CSMD2: variants seen among roughly 807,000 people sequenced by gnomAD.
CSMD2 encodes CUB and Sushi multiple domains 2, also known as CUB and sushi domain-containing protein 2.
In CSMD2, 130 loss-of-function variants were observed where a neutral mutation model predicts 398.5. The ratio of observed to expected loss-of-function variants is 0.33; its 90% CI spans 0.28 to 0.38. The LOEUF (loss-of-function observed/expected upper bound fraction) is 0.38. CSMD2 is among the 10% of genes least tolerant of loss of function. The pLI is 1.00. For synonymous variants in CSMD2, 1,828 were observed against 1,908.5 expected (o/e 0.96, Z 1.10); for missense variants, 3,829 against 4,764.9 (o/e 0.80, Z 5.78).
chr1:33,628,542 A>C (rs1359873230), intron 32 of CSMD2, among the ~76,000 whole-genome samples: 3 of 151,856 alleles, frequency 2.0e-5, no homozygotes, highest in African/African-American at 7.3e-5. Context: ...GGTGGAGCAC[A>C]CCTGGAGTCT....
At chr1:33,742,172 T>G (rs549766339) in intron 14 of CSMD2, among the ~76,000 whole-genome samples, 5 of 152,174 alleles carry the variant, frequency 3.3e-5, no homozygotes, top group African/African-American at 1.2e-4. Context: ...CCTGAGAAGG[T>G]TGATTGTGTC....
chr1:33,550,180 A>G lies in CSMD2; in HGVS notation c.8914T>C (p.Ser2972Pro), dbSNP rs887162444. 1 of 1,613,638 alleles carries G rather than the reference A, an allele frequency of 6.2e-7. No homozygotes were observed. Among genetic ancestry groups the G allele is most frequent in the Non-Finnish European group, 8.5e-7 (1 of 1,179,860 alleles). Reference sequence around the variant, plus strand: ...TCCTCAATGCCATGCACCATACCTGAGCAGTGAGGGAGGGAGCCAGTCCAG... The same window carrying G: ...TCCTCAATGCCATGCACCATACCTGGGCAGTGAGGGAGGGAGCCAGTCCAG... The part of the protein sequence containing the change: ...GHWTGSLPHC[S>P]GTSVGVCGDP... Residue 2972 changes from serine (S) to proline (P), a missense_variant, in exon 56 of 71, where the codon TCA becomes CCA. Ser to Pro is a moderately conservative substitution (Grantham distance 74). Coordinates refer to ENST00000373381, the MANE Select transcript of CSMD2 (RefSeq NM_001281956.2).
At chr1:34,083,966 ATTG>A (rs1339762994) in intron 2 of CSMD2, among the ~76,000 whole-genome samples, 1 of 151,344 alleles carries the variant, frequency 6.6e-6, no homozygotes, top group African/African-American at 2.4e-5. Flanking sequence ...TGCTGTGGCT[ATTG>A]TTGTCATCAT....
rs2148881521 is a variant in CSMD2, at chr1:33,624,344, C to T, written c.5625+175G>A. Among the ~76,000 whole-genome samples, 1 of 152,310 alleles carries T rather than the reference C, an allele frequency of 6.6e-6. No individual in the cohort carries two copies. The highest frequency in any genetic ancestry group is 1.5e-5 in the Non-Finnish European group (1 of 68,014). ...TGTTTTCTGCATGGGAGCCACATCT[C>T]CACACTTGGACTGAGCCTCCTTAGC... On this transcript the variant is annotated intron_variant, in intron 35 of 70. Transcript: ENST00000373381. This position sits in a 1 kb window ranked among gnomAD's most constrained non-coding sequence, Gnocchi z 4.7.
chr1:33,947,655 T>A (rs1295275629), intron 3 of CSMD2, among the ~76,000 whole-genome samples: 2 of 152,122 alleles, frequency 1.3e-5, no homozygotes, highest in African/African-American at 4.8e-5. Flanking sequence ...CTGACCACCA[T>A]CAACCACCTT....
intron 9 of CSMD2, among the ~76,000 whole-genome samples, chr1:33,816,990 A>G (rs1216227927): frequency 6.6e-6 from 1 of 152,226 alleles, no homozygotes; most frequent in East Asian, 1.9e-4. Flanking sequence ...TCTTTTGGTA[A>G]CCTGCTTGTT....
chr1:34,130,889 G>T (rs539627915), intron 1 of CSMD2, among the ~76,000 whole-genome samples: 1 of 152,136 alleles, frequency 6.6e-6, no homozygotes, highest in African/African-American at 2.4e-5. Flanking sequence ...TCCACAGCTT[G>T]CTTCCTGGTT....
At chr1:33,829,407 T>C (rs1390037789) in intron 6 of CSMD2, among the ~76,000 whole-genome samples, 3 of 152,242 alleles carry the variant, frequency 2.0e-5, no homozygotes, top group African/African-American at 7.2e-5. Flanking sequence ...TTTTTATTAT[T>C]ATACTTAAAG....
chr1:33,704,928 A>G (rs74454787), intron 22 of CSMD2, among the ~76,000 whole-genome samples: 1 of 149,200 alleles, frequency 6.7e-6, no homozygotes. Context: ...ACGTCCCGCT[A>G]ATTTTTTTTT....
rs980060918 is a variant in CSMD2, at chr1:33,533,681, T to C, written c.9991+115A>G. 1.5e-6 allele frequency: 1 copy of C among 680,914 alleles called. No individual in the cohort carries two copies. The highest frequency in any genetic ancestry group is 2.6e-6 in the Non-Finnish European group (1 of 379,682). 42.2% of individuals were successfully genotyped at this position (680,914 alleles called of 1,614,324 possible). Reference sequence around the variant, plus strand: ...TGTAAGGACTACAAAGAGACCGATGTCGGTTCGCATGGGGAGTTGTGAACT... The same window carrying C: ...TGTAAGGACTACAAAGAGACCGATGCCGGTTCGCATGGGGAGTTGTGAACT... On this transcript the variant is annotated intron_variant, in intron 63 of 70. Coordinates refer to ENST00000373381, the MANE Select transcript of CSMD2 (RefSeq NM_001281956.2). This position sits in a 1 kb window ranked among gnomAD's most constrained non-coding sequence, Gnocchi z 4.2.
chr1:33,652,688 C>T (rs1390963945), intron 27 of CSMD2, among the ~76,000 whole-genome samples: 1 of 152,172 alleles, frequency 6.6e-6, no homozygotes, highest in Non-Finnish European at 1.5e-5. Flanking sequence ...GTACCAGATG[C>T]CACTGAACTG....
chr1:34,074,298 A>G (rs1157392409), intron 2 of CSMD2, among the ~76,000 whole-genome samples: 1 of 152,222 alleles, frequency 6.6e-6, no homozygotes, highest in Non-Finnish European at 1.5e-5. Context: ...AGATAATGTG[A>G]ACAATGTCTA....
chr1:34,164,977 G>A lies in CSMD2; in HGVS notation c.121C>T (p.Pro41Ser). The change falls in exon 1 of 71, where the codon CCG (proline) becomes TCG (serine). Residue 41 changes from proline to serine, a missense_variant. This residue lies in a region of CSMD2 where 184 missense variants were observed against 217.7 expected (regional missense o/e 0.85). Transcript: ENST00000373381. The surrounding 1 kb of genome is among the most constrained non-coding windows in gnomAD (Gnocchi z 6.2). Reference protein sequence around the residue: ...GAGSRWGRPPPPTPPPLLLLL... With the variant: ...GAGSRWGRPPSPTPPPLLLLL... ...AGCAGCAGAGGCGGCGGCGTTGGCGGCGGCGGGCGGCCCCAGCGGCTCCCG... is the reference window on the plus strand; with the variant it reads ...AGCAGCAGAGGCGGCGGCGTTGGCGACGGCGGGCGGCCCCAGCGGCTCCCG... The A allele has an allele frequency of 8.2e-7, 1 of 1,212,554 alleles. No individual in the cohort carries two copies. Among genetic ancestry groups the A allele is most frequent in the Middle Eastern group, 3.1e-4 (1 of 3,176 alleles). The allele number at this position is 1,212,554 out of a possible 1,614,324, so 75.1% of individuals were successfully genotyped here.
intron 13 of CSMD2, among the ~76,000 whole-genome samples, chr1:33,749,584 AC>A (rs1435161356): frequency 6.6e-6 from 1 of 152,238 alleles, no homozygotes; most frequent in African/African-American, 2.4e-5. Flanking sequence ...CTTAGAAAAG[AC>A]AAAAACAGAA....
At chr1:34,120,326 G>A (rs1296128896) in intron 1 of CSMD2, among the ~76,000 whole-genome samples, 1 of 152,200 alleles carries the variant, frequency 6.6e-6, no homozygotes, top group Non-Finnish European at 1.5e-5. Flanking sequence ...AATGGGTGTA[G>A]CGTTGTTGCA....
chr1:33,755,354 T>C (rs533112228), intron 13 of CSMD2, among the ~76,000 whole-genome samples: 4 of 152,340 alleles, frequency 2.6e-5, no homozygotes, highest in Admixed American at 6.5e-5. Context: ...CATTTAACTA[T>C]GTTAGTCCCA....
At chr1:34,130,280 T>C (rs374900758) in intron 1 of CSMD2, among the ~76,000 whole-genome samples, 31 of 149,086 alleles carry the variant, frequency 2.1e-4, no homozygotes, top group East Asian at 1.2e-3. Flanking sequence ...TGGTCACCTC[T>C]GACAGTGCCA....
chr1:33,892,258 G>C (rs1642075707), intron 5 of CSMD2, among the ~76,000 whole-genome samples: 2 of 151,556 alleles, frequency 1.3e-5, no homozygotes, highest in South Asian at 4.2e-4. Flanking sequence ...TTCATATGGG[G>C]GGATATTTTA....
In CSMD2 at chr1:33,636,617, G is replaced by A; in HGVS notation, c.4775-63C>T. The A allele has an allele frequency of 6.9e-7, 1 of 1,447,660 alleles. No individual in the cohort carries two copies. Among genetic ancestry groups the A allele is most frequent in the Non-Finnish European group, 9.6e-7 (1 of 1,042,600 alleles). The allele number at this position is 1,447,660 out of a possible 1,614,324, so 89.7% of individuals were successfully genotyped here. A position where few individuals can be genotyped will look rare whatever the true frequency, so the allele number is the denominator to read the frequency against. On this transcript the variant is annotated intron_variant, in intron 29 of 70. Transcript: ENST00000373381. This position sits in a 1 kb window ranked among gnomAD's most constrained non-coding sequence, Gnocchi z 4.8. ...AGGGCTCATGAGGAGGCTATTCTTG[G>A]GCTCCAGTGCCCATGAGGAGAACCC... is the stretch of plus-strand genomic sequence containing the variant.
Sources: allele counts gnomAD v4.1 joint callset (sites outside exome capture counted in the v4.1 genomes callset), GRCh38; gene constraint gnomAD v4.1.1; regional missense constraint gnomAD v4.1.1; non-coding constraint Gnocchi (gnomAD v3.1); transcripts MANE v1.5; gene names NCBI Gene and HGNC (gene_info 2026-07-23, HGNC 2026-07-21).